Variants in PTK2 observed in about 807,000 individuals in gnomAD.
The protein encoded by PTK2 is focal adhesion kinase 1.
Under a neutral mutation model 150.1 loss-of-function variants are expected in PTK2, and 45 were observed. The observed-to-expected ratio is 0.30, with a 90% CI of 0.24 to 0.38. The LOEUF (loss-of-function observed/expected upper bound fraction) is 0.38. Ranked by LOEUF, PTK2 falls within the 10% of genes least tolerant of loss-of-function variation. The probability of loss-of-function intolerance (pLI) is 1.00; values close to 1 mark genes in which losing one functional copy is unlikely to be tolerated. For synonymous variants in PTK2, 432 were observed against 449.2 expected, an observed-to-expected ratio of 0.96 and a Z score of 0.48; for missense variants, 919 against 1,307.3, an observed-to-expected ratio of 0.70 and a Z score of 4.58.
At chr8:140,744,087 T>C (rs1483354291) in intron 19 of PTK2, among the ~76,000 whole-genome samples, 1 of 151,888 alleles carries the variant, frequency 6.6e-6, no homozygotes, top group African/African-American at 2.4e-5. Context: ...TATTTCTTTT[T>C]TTTTTTTTTG....
At chr8:140,798,576 A>G (rs574440664) in intron 12 of PTK2, among the ~76,000 whole-genome samples, 1 of 152,210 alleles carries the variant, frequency 6.6e-6, no homozygotes, top group Non-Finnish European at 1.5e-5. Flanking sequence ...ACGCTAGCTA[A>G]TAGTGAAATC....
At chr8:140,806,932 A>ACCCTACT (rs1016825317) in intron 10 of PTK2, among the ~76,000 whole-genome samples, 1 of 152,174 alleles carries the variant, frequency 6.6e-6, no homozygotes, top group African/African-American at 2.4e-5. Context: ...CTCTCACGCC[A>ACCCTACT]CCCTACTATA....
intron 1 of PTK2, among the ~76,000 whole-genome samples, chr8:140,977,324 T>A (rs912730168): frequency 5.9e-5 from 9 of 151,852 alleles, no homozygotes; most frequent in African/African-American, 2.2e-4. Context: ...ACCTGGGAGG[T>A]CAAGACTGCA....
At chr8:140,693,564 TAAAAAAAAAAAAAAAAAAAAAAAA>T (rs377205785) in intron 26 of PTK2, among the ~76,000 whole-genome samples, 10 of 72,458 alleles carry the variant, frequency 1.4e-4, no homozygotes, top group East Asian at 4.6e-4. Flanking sequence ...TTGTCTCAAT[TAAAAAAAAAAAAAAAAAAAAAAAA>T]AAAAAAAAAA....
At chr8:140,975,965 T>C (rs576947620) in intron 1 of PTK2, among the ~76,000 whole-genome samples, 4 of 152,218 alleles carry the variant, frequency 2.6e-5, no homozygotes, top group Admixed American at 1.3e-4. Flanking sequence ...GGAAAGGACC[T>C]GTGCCTTTAG....
At chr8:140,927,027 G>C (rs2100169713) in intron 1 of PTK2, among the ~76,000 whole-genome samples, 1 of 152,130 alleles carries the variant, frequency 6.6e-6, no homozygotes, top group Non-Finnish European at 1.5e-5. Flanking sequence ...TTTCTTAAAG[G>C]CTCCTGAAAT....
chr8:140,846,394 G>C (rs1265727973), intron 6 of PTK2, 72 bp from the exon 7 acceptor site: 2 of 1,465,350 alleles, frequency 1.4e-6, no homozygotes, highest in African/African-American at 1.4e-5. Context: ...ATAAAAACTG[G>C]GGGAGAGGCA....
At chr8:140,933,005 C>T in intron 1 of PTK2, among the ~76,000 whole-genome samples, 1 of 152,038 alleles carries the variant, frequency 6.6e-6, no homozygotes, top group Non-Finnish European at 1.5e-5. Flanking sequence ...GTGTGTGCCA[C>T]CACACCCGGC....
chr8:140,942,475 C>G (rs2100176160), intron 1 of PTK2, among the ~76,000 whole-genome samples: 1 of 152,066 alleles, frequency 6.6e-6, no homozygotes, highest in African/African-American at 2.4e-5. Flanking sequence ...ACAAATAAAT[C>G]AGATTACATA....
chr8:140,992,236 G>A (rs1443382307), intron 1 of PTK2, among the ~76,000 whole-genome samples: 1 of 149,884 alleles, frequency 6.7e-6, no homozygotes, highest in African/African-American at 2.5e-5. Flanking sequence ...AGGTTGCAGT[G>A]AGCCAAGACT....
chr8:140,714,796 C>CAAAAAA (rs398010102), intron 23 of PTK2, among the ~76,000 whole-genome samples: 16,188 of 46,820 alleles, frequency 0.35, 4,583 homozygotes, highest in Non-Finnish European at 0.44. Context: ...GGCTCTGTCT[C>CAAAAAA]AAAAAAAAAA....
At chr8:140,867,748 A>G (rs189059938) in intron 4 of PTK2, among the ~76,000 whole-genome samples, 19 of 152,338 alleles carry the variant, frequency 1.2e-4, no homozygotes, top group African/African-American at 4.6e-4. Flanking sequence ...ACCTAAAACG[A>G]AAGTTAAAAA....
At chr8:140,818,177 T>G in intron 10 of PTK2, 100 bp downstream of exon 10, 1 of 1,161,070 alleles carries the variant, frequency 8.6e-7, no homozygotes, top group Non-Finnish European at 1.3e-6. Context: ...AATAGGAAAA[T>G]TTAATTGTAA....
chr8:140,744,235 T>C (rs978538534), intron 19 of PTK2, among the ~76,000 whole-genome samples: 5 of 152,078 alleles, frequency 3.3e-5, no homozygotes, highest in African/African-American at 1.2e-4. Context: ...TGCCAACAGA[T>C]GTCACTCATA....
intron 26 of PTK2, among the ~76,000 whole-genome samples, chr8:140,692,492 C>A (rs1283873922): frequency 6.6e-6 from 1 of 152,196 alleles, no homozygotes; most frequent in East Asian, 1.9e-4. Flanking sequence ...TGGCAGGCAC[C>A]TGCAGTCCCA....
At chr8:140,721,258 T>C in intron 22 of PTK2, among the ~76,000 whole-genome samples, 1 of 152,158 alleles carries the variant, frequency 6.6e-6, no homozygotes, top group East Asian at 1.9e-4. Flanking sequence ...TACAAATCCA[T>C]CTAATCACCT....
At chr8:140,748,091 C>A (rs1024823912) in intron 17 of PTK2, among the ~76,000 whole-genome samples, 1 of 152,122 alleles carries the variant, frequency 6.6e-6, no homozygotes, top group Non-Finnish European at 1.5e-5. Flanking sequence ...CTGGAAGCCA[C>A]AACCCATGGG....
intron 3 of PTK2, among the ~76,000 whole-genome samples, chr8:140,884,124 G>A (rs73714775): frequency 0.034 from 5,211 of 152,112 alleles, 304 homozygotes; most frequent in African/African-American, 0.12. Context: ...CCTTCATCAC[G>A]CCTACAAGTC....
intron 29 of PTK2, among the ~76,000 whole-genome samples, chr8:140,673,316 G>C (rs1215565605): frequency 3.9e-5 from 6 of 151,902 alleles, no homozygotes; most frequent in Non-Finnish European, 5.9e-5. Context: ...CACCATGTTG[G>C]CCAGGCTGGT....
Sources: allele counts gnomAD v4.1 joint callset (sites outside exome capture counted in the v4.1 genomes callset), GRCh38; gene constraint gnomAD v4.1.1; transcripts MANE v1.5; gene names NCBI Gene and HGNC (gene_info 2026-07-23, HGNC 2026-07-21).